Variants in RARB observed in about 807,000 individuals in gnomAD.
RARB encodes the protein HBV-activated protein.
RARB carries 17 observed loss-of-function variants against 51.9 expected under a neutral mutation model. The observed-to-expected ratio is 0.33, with a 90% CI of 0.22 to 0.49. RARB has a LOEUF of 0.49. Among genes scored for constraint, RARB ranks in the 20% least tolerant of loss-of-function variants. RARB has a pLI of 0.99. For missense variants in RARB, 369 were observed against 550.8 expected (o/e 0.67, Z 3.30); for synonymous variants, 215 against 195.4 (o/e 1.10, Z -0.84).
chr3:25,249,584 T>C (rs1055358624), intron 5 of RARB, among the ~76,000 whole-genome samples: 1 of 152,124 alleles, frequency 6.6e-6, no homozygotes, highest in African/African-American at 2.4e-5. Context: ...TAATTTGCTT[T>C]TGTAGAGGAG....
At chr3:25,071,172 C>T (rs950760791) in intron 3 of RARB, among the ~76,000 whole-genome samples, 7 of 152,160 alleles carry the variant, frequency 4.6e-5, no homozygotes, top group African/African-American at 1.7e-4. Flanking sequence ...CTGCAGTGCT[C>T]AGAAGAGAAA....
intron 2 of RARB, among the ~76,000 whole-genome samples, chr3:24,888,229 C>A (rs918301391): frequency 6.6e-6 from 1 of 152,012 alleles, no homozygotes. Flanking sequence ...ATAACTATAA[C>A]ACAAATAATG....
rs552111725 is a variant in RARB at position 25,455,538 on chromosome 3, G to A, written c.158-5655G>A. ...TTAGTGATAGTTATCTGTATGTTGT[G>A]GGGGTGGAGATGTCTAAAATAGGGG... On this transcript the variant is annotated intron_variant, in intron 1 of 7. Transcript: ENST00000330688. Among the ~76,000 whole-genome samples the A allele has an allele frequency of 2.0e-5, 3 of 152,312 alleles. No homozygotes were observed. In the South Asian group the frequency reaches 6.2e-4, roughly 32 times the overall value.
chr3:25,163,623 C>T (rs1246348983), intron 4 of RARB, among the ~76,000 whole-genome samples: 1 of 151,292 alleles, frequency 6.6e-6, no homozygotes, highest in African/African-American at 2.4e-5. Context: ...AAGGAACACA[C>T]AGAAATTAAT....
chr3:25,520,264 G>A (rs542813731), intron 3 of RARB, among the ~76,000 whole-genome samples: 1 of 152,186 alleles, frequency 6.6e-6, no homozygotes, highest in African/African-American at 2.4e-5. Context: ...TTAGTTCCAC[G>A]CCAAATATAT....
At chr3:25,110,984 G>A (rs925666590) in intron 3 of RARB, among the ~76,000 whole-genome samples, 3 of 152,076 alleles carry the variant, frequency 2.0e-5, no homozygotes, top group Admixed American at 6.6e-5. Flanking sequence ...TGAGTTTGAC[G>A]GAAAGAAGAA....
At chr3:25,258,457 A>G (rs754198926) in intron 5 of RARB, among the ~76,000 whole-genome samples, 5 of 152,120 alleles carry the variant, frequency 3.3e-5, no homozygotes, top group Admixed American at 1.3e-4. Context: ...GCTTGATGAA[A>G]TGATTCTGAT....
intron 2 of RARB, among the ~76,000 whole-genome samples, chr3:25,478,497 T>G (rs897293270): frequency 8.5e-5 from 13 of 152,202 alleles, no homozygotes; most frequent in Admixed American, 6.5e-4. Context: ...TGAGACAGAC[T>G]GAGGGAGCTG....
intron 5 of RARB, among the ~76,000 whole-genome samples, chr3:25,340,077 G>A (rs573380878): frequency 2.0e-5 from 3 of 152,254 alleles, no homozygotes; most frequent in East Asian, 1.9e-4. Flanking sequence ...CATGTAAAGC[G>A]AAGGAGAACA....
chr3:25,177,582 A>G (rs1239278962), intron 5 of RARB, among the ~76,000 whole-genome samples: 1 of 152,222 alleles, frequency 6.6e-6, no homozygotes, highest in African/African-American at 2.4e-5. Context: ...AGCACCAAGT[A>G]ATTGTAAAGG....
At chr3:24,859,399 C>G (rs1042459084) in intron 2 of RARB, among the ~76,000 whole-genome samples, 1 of 152,152 alleles carries the variant, frequency 6.6e-6, no homozygotes, top group Non-Finnish European at 1.5e-5. Context: ...GTACAACTCT[C>G]ATGTAGGTGT....
At chr3:25,315,559 G>A (rs964624723) in intron 5 of RARB, among the ~76,000 whole-genome samples, 2 of 151,948 alleles carry the variant, frequency 1.3e-5, no homozygotes, top group South Asian at 4.2e-4. Flanking sequence ...AGAGCTCCTG[G>A]GTTTTTGGAT....
rs112209270 is a variant in RARB at position 25,254,394 on chromosome 3, A to G, written c.178+79819A>G. 7.2e-5 allele frequency among the ~76,000 whole-genome samples: 11 copies of G among 152,310 alleles called. 1 individual carries two copies. The highest frequency in any genetic ancestry group is 2.6e-4 in the African/African-American group (11 of 41,572). ...TCTGTATTACTAATTGATTTCTTGA[A>G]AGTTGAGTGAACTTTAGTCACCTAG... On this transcript the variant is annotated intron_variant, in intron 5 of 11. Transcript: ENST00000383772.
intron 2 of RARB, among the ~76,000 whole-genome samples, chr3:24,955,358 T>A (rs1389431412): frequency 7.0e-6 from 1 of 142,044 alleles, no homozygotes; most frequent in Admixed American, 6.9e-5. Context: ...GGGGTTTATA[T>A]AAACACAGCA....
At chr3:25,224,835 G>A (rs980932341) in intron 5 of RARB, among the ~76,000 whole-genome samples, 1 of 151,896 alleles carries the variant, frequency 6.6e-6, no homozygotes, top group East Asian at 1.9e-4. Context: ...GGACTCCTAG[G>A]CTCGAGCAAT....
At chr3:25,519,063 T>A (rs1289116538) in intron 3 of RARB, among the ~76,000 whole-genome samples, 2 of 152,222 alleles carry the variant, frequency 1.3e-5, no homozygotes, top group Non-Finnish European at 2.9e-5. Flanking sequence ...CTAGCTTCTT[T>A]CATTCATCAT....
chr3:25,436,650 A>G (rs975332893), intron 1 of RARB, among the ~76,000 whole-genome samples: 3 of 152,204 alleles, frequency 2.0e-5, no homozygotes, highest in African/African-American at 7.2e-5. Flanking sequence ...TTCTCGGGCA[A>G]GAGTTTCCAG....
At chr3:24,858,401 G>A (rs1339485455) in intron 1 of RARB, among the ~76,000 whole-genome samples, 3 of 152,140 alleles carry the variant, frequency 2.0e-5, no homozygotes, top group Non-Finnish European at 2.9e-5. Context: ...GCCCACCCCT[G>A]AGCCCAGTTA....
chr3:25,185,266 T>C (rs190310402), intron 5 of RARB, among the ~76,000 whole-genome samples: 68 of 152,222 alleles, frequency 4.5e-4, no homozygotes, highest in African/African-American at 1.5e-3. Flanking sequence ...TCATGAAGAG[T>C]TCACATCCAA....
Sources: gnomAD v4.1 joint callset for allele counts (sites outside exome capture counted in the v4.1 genomes callset) on GRCh38, gnomAD v4.1.1 for gene constraint, MANE v1.5 for transcripts, NCBI Gene and HGNC (gene_info 2026-07-23, HGNC 2026-07-21) for gene names.